Variants in LPP observed in about 807,000 individuals in gnomAD.
LPP encodes LIM domain containing preferred translocation partner in lipoma, also known as lipoma-preferred partner.
A neutral mutation model predicts 60.4 loss-of-function variants in LPP; 38 were observed. The observed-to-expected ratio is 0.63, with a 90% CI of 0.49 to 0.83. The LOEUF (loss-of-function observed/expected upper bound fraction) is 0.83, where lower values mean the gene tolerates loss of function less well. Among genes scored for constraint, LPP ranks in the 40% least tolerant of loss-of-function variants. The pLI is 0.00. For missense variants in LPP, 902 were observed against 783.6 expected (o/e 1.15, Z -1.80); for synonymous variants, 328 against 290.8 (o/e 1.13, Z -1.30).
At chr3:188,178,104 G>A (rs1235581964) in intron 1 of LPP, among the ~76,000 whole-genome samples, 2 of 152,210 alleles carry the variant, frequency 1.3e-5, no homozygotes, top group Non-Finnish European at 2.9e-5. Context: ...TGGACAGGTA[G>A]TCAGGGCTCT....
intron 7 of LPP, among the ~76,000 whole-genome samples, chr3:188,678,856 A>T (rs976136572): frequency 5.3e-5 from 8 of 152,224 alleles, no homozygotes; most frequent in African/African-American, 1.9e-4. Context: ...TCAAATGAGT[A>T]AAGTTAGATT....
At chr3:188,332,879 A>G (rs1760504256) in intron 2 of LPP, among the ~76,000 whole-genome samples, 1 of 152,076 alleles carries the variant, frequency 6.6e-6, no homozygotes. Context: ...TCCAGGCTCC[A>G]TGTGTTATCT....
chr3:188,248,991 G>A (rs1728107028), intron 2 of LPP, among the ~76,000 whole-genome samples: 1 of 152,170 alleles, frequency 6.6e-6, no homozygotes. Context: ...ACTTGTAACT[G>A]TAGCTCTAGT....
intron 6 of LPP, among the ~76,000 whole-genome samples, chr3:188,553,583 C>T (rs1031872769): frequency 1.3e-5 from 2 of 152,176 alleles, no homozygotes; most frequent in Non-Finnish European, 2.9e-5. Flanking sequence ...ATCCCTGCTA[C>T]ACCGTGTTTT....
At chr3:188,199,673 C>T (rs954810273) in intron 1 of LPP, among the ~76,000 whole-genome samples, 4 of 151,408 alleles carry the variant, frequency 2.6e-5, no homozygotes, top group Admixed American at 1.3e-4. Flanking sequence ...CTGATTACAT[C>T]GACTGCTTAT....
At chr3:188,825,965 G>T (rs1755374296) in intron 9 of LPP, among the ~76,000 whole-genome samples, 1 of 152,002 alleles carries the variant, frequency 6.6e-6, no homozygotes, top group African/African-American at 2.4e-5. Flanking sequence ...GTCTACCAAG[G>T]ATACCTGGTG....
chr3:188,588,684 A>T (rs567044975), intron 6 of LPP, among the ~76,000 whole-genome samples: 2 of 152,342 alleles, frequency 1.3e-5, no homozygotes, highest in Non-Finnish European at 2.9e-5. Flanking sequence ...GATTGTATGT[A>T]CTAGCTGTTA....
chr3:188,195,960 C>G (rs2149041042), intron 1 of LPP, among the ~76,000 whole-genome samples: 1 of 152,274 alleles, frequency 6.6e-6, no homozygotes, highest in Middle Eastern at 3.4e-3. Flanking sequence ...ATATTTGTCT[C>G]TACTGCCTCA....
intron 3 of LPP, among the ~76,000 whole-genome samples, chr3:188,401,753 G>A (rs1782293945): frequency 6.6e-6 from 1 of 152,170 alleles, no homozygotes; most frequent in African/African-American, 2.4e-5. Flanking sequence ...TGCGAGTTTA[G>A]TTTGGGGAAC....
At chr3:188,429,248 C>A (rs1335998374) in intron 4 of LPP, among the ~76,000 whole-genome samples, 1 of 151,984 alleles carries the variant, frequency 6.6e-6, no homozygotes, top group African/African-American at 2.4e-5. Context: ...AAAACTGATG[C>A]CCTTAATTGT....
chr3:188,291,536 C>T lies in LPP; in HGVS notation c.-66-50127C>T, dbSNP rs569992797. ...TGGTGGGCGCCTGTAGTCCCAGCTACTCGGGAGGCTGAGGCAGGATAATGG... is the reference window on the plus strand; with the variant it reads ...TGGTGGGCGCCTGTAGTCCCAGCTATTCGGGAGGCTGAGGCAGGATAATGG... On this transcript the variant is annotated intron_variant, in intron 2 of 11. Transcript: ENST00000617246. 1.6e-3 allele frequency among the ~76,000 whole-genome samples: 244 copies of T among 150,952 alleles called. 2 individuals are homozygous for T. The highest frequency in any genetic ancestry group is 5.8e-3 in the African/African-American group (237 of 41,134).
intron 1 of LPP, among the ~76,000 whole-genome samples, chr3:188,196,859 T>C (rs534431559): frequency 1.1e-4 from 17 of 152,290 alleles, no homozygotes; most frequent in African/African-American, 3.8e-4. Flanking sequence ...TCACACATAG[T>C]GTTCCCTTGT....
In LPP at chr3:188,875,934, C is replaced by A. The variant is rs1219063908; in HGVS notation, c.*1455C>A. 2 of 184,270 alleles carry A rather than the reference C, an allele frequency of 1.1e-5. No homozygotes were observed. The highest frequency in any genetic ancestry group is 2.3e-5 in the Non-Finnish European group (2 of 86,826). The allele number at this position is 184,270 out of a possible 1,614,324, so 11.4% of individuals were successfully genotyped here. A position where few individuals can be genotyped will look rare whatever the true frequency, so the allele number is the denominator to read the frequency against. ...ATTTCTTAAATCTTTCTTCAAATCT[C>A]CCACAAGTATATACTTTTAAATTAT... On this transcript the variant is annotated 3_prime_UTR_variant, in exon 12 of 12. Coordinates refer to ENST00000617246, the MANE Select transcript of LPP (RefSeq NM_001375462.1).
At chr3:188,640,944 G>T (rs1176109670) in intron 7 of LPP, among the ~76,000 whole-genome samples, 5 of 152,174 alleles carry the variant, frequency 3.3e-5, no homozygotes, top group Non-Finnish European at 1.5e-5. Context: ...TTCAGAAACA[G>T]TAGAACATAC....
chr3:188,346,111 G>C (rs767135758), intron 3 of LPP, among the ~76,000 whole-genome samples: 3 of 152,086 alleles, frequency 2.0e-5, no homozygotes, highest in Non-Finnish European at 4.4e-5. Context: ...TCTGGTTTGA[G>C]ATGGTCATCA....
At chr3:188,782,733 T>A (rs1240264232) in intron 9 of LPP, among the ~76,000 whole-genome samples, 2 of 148,156 alleles carry the variant, frequency 1.3e-5, no homozygotes, top group South Asian at 4.3e-4. Flanking sequence ...AGCTGAATGT[T>A]GCTGGGAAAA....
chr3:188,626,412 T>C (rs961630024), intron 7 of LPP, among the ~76,000 whole-genome samples: 1 of 152,194 alleles, frequency 6.6e-6, no homozygotes, highest in African/African-American at 2.4e-5. Context: ...TGAGCATCCA[T>C]AGAGTTTGGC....
intron 7 of LPP, among the ~76,000 whole-genome samples, chr3:188,681,385 T>TCAACATC (rs1382134241): frequency 6.6e-6 from 1 of 152,198 alleles, no homozygotes; most frequent in Non-Finnish European, 1.5e-5. Context: ...GGACAGTGGC[T>TCAACATC]CAACATCTCC....
At chr3:188,689,084 T>C (rs1332408013) in intron 7 of LPP, among the ~76,000 whole-genome samples, 1 of 152,198 alleles carries the variant, frequency 6.6e-6, no homozygotes, top group Non-Finnish European at 1.5e-5. Context: ...CTGTGCCTGG[T>C]ACATGGTAAA....
Sources: gnomAD v4.1 joint callset for allele counts (sites outside exome capture counted in the v4.1 genomes callset) on GRCh38, gnomAD v4.1.1 for gene constraint, MANE v1.5 for transcripts, NCBI Gene and HGNC (gene_info 2026-07-23, HGNC 2026-07-21) for gene names.